Variants in SEC14L6 observed in about 807,000 individuals in gnomAD.
SEC14L6 encodes SEC14-like protein 6.
In SEC14L6, 40 loss-of-function variants were observed where a neutral mutation model predicts 54.1. The ratio of observed to expected loss-of-function variants is 0.74; its 90% CI spans 0.57 to 0.96. The LOEUF (loss-of-function observed/expected upper bound fraction) is 0.96, where lower values mean the gene tolerates loss of function less well. SEC14L6 is among the 40% of genes least tolerant of loss of function. The pLI is 0.00. For missense variants in SEC14L6, 471 were observed against 498.3 expected, an observed-to-expected ratio of 0.95 and a Z score of 0.52; for synonymous variants, 171 against 198.4, an observed-to-expected ratio of 0.86 and a Z score of 1.16.
intron 8 of SEC14L6, 33 bp downstream of exon 8, chr22:30,529,054 G>A (rs779242818): frequency 2.1e-5 from 31 of 1,511,334 alleles, no homozygotes; most frequent in Non-Finnish European, 2.6e-5. Flanking sequence ...TCAGGATCCA[G>A]GCTGGAAAAG....
chr22:30,542,595 C>T (rs1028765218), intron 1 of SEC14L6: 148 of 1,501,308 alleles, frequency 9.9e-5, no homozygotes, highest in Non-Finnish European at 9.7e-5. Flanking sequence ...GGCCGGTCCC[C>T]GGCCGCCTCG....
At chr22:30,532,485 C>T (rs1480481697) in intron 5 of SEC14L6, 40 bp downstream of exon 5, 3 of 1,510,542 alleles carry the variant, frequency 2.0e-6, no homozygotes, top group Middle Eastern at 1.7e-4. Flanking sequence ...GGTGAGGGTG[C>T]TGTGTCCGGC....
chr22:30,533,307 T>C (rs1937044431), intron 3 of SEC14L6: 1 of 229,524 alleles, frequency 4.4e-6, no homozygotes, highest in African/African-American at 2.3e-5. Flanking sequence ...GCTCCTAGAA[T>C]ATACCAGCTC....
intron 1 of SEC14L6, chr22:30,542,657 C>T (rs1281570745): frequency 6.6e-7 from 1 of 1,520,784 alleles, no homozygotes; most frequent in Non-Finnish European, 8.9e-7. Flanking sequence ...TCAGGAGTGG[C>T]GGGTGAGGAG....
At chr22:30,543,866 A>C (rs1191240012) in intron 1 of SEC14L6, 1 of 1,545,874 alleles carries the variant, frequency 6.5e-7, no homozygotes, top group Non-Finnish European at 8.9e-7. Flanking sequence ...GCGGACCTGA[A>C]CCTGCCCAAG....
intron 1 of SEC14L6, among the ~76,000 whole-genome samples, chr22:30,540,367 C>CTCTTTTTTTTTTT (rs1568974219): frequency 1.8e-5 from 2 of 114,062 alleles, no homozygotes; most frequent in Non-Finnish European, 1.8e-5. Flanking sequence ...CTTTTTGTTC[C>CTCTTTTTTTTTTT]TTTTTTTTTT....
chr22:30,532,364 G>A, intron 5 of SEC14L6, 161 bp downstream of exon 5: 1 of 911,824 alleles, frequency 1.1e-6, no homozygotes, highest in Non-Finnish European at 1.3e-6. Context: ...CATACTGTGT[G>A]GCCTTGGGTG....
In SEC14L6 at chr22:30,529,310, T is replaced by TCAAGATCTCAGGGTAATTTGCTTCAAG; in HGVS notation, c.532_558dup (p.Leu178_Leu186dup). 1 of 1,550,498 alleles carries TCAAGATCTCAGGGTAATTTGCTTCAAG rather than the reference T, an allele frequency of 6.4e-7. No individual in the cohort carries two copies. Among genetic ancestry groups the TCAAGATCTCAGGGTAATTTGCTTCAAG allele is most frequent in the Non-Finnish European group, 8.7e-7 (1 of 1,146,948 alleles). On this transcript the variant is annotated inframe_insertion, in exon 7 of 12. Coordinates refer to ENST00000402034, the MANE Select transcript of SEC14L6 (RefSeq NM_001193336.4). ...TCACCTCTCACAACAATTAAACTCT[T>TCAAGATCTCAGGGTAATTTGCTTCAAG]CAAGATCTCAGGGTAATTTGCTTCA...
At chr22:30,529,970 T>C (rs1442437803) in intron 6 of SEC14L6, among the ~76,000 whole-genome samples, 1 of 152,226 alleles carries the variant, frequency 6.6e-6, no homozygotes, top group Non-Finnish European at 1.5e-5. Flanking sequence ...CCAATTAAAA[T>C]TCTTGGTTAG....
In SEC14L6 at chr22:30,529,186, G is replaced by A; in HGVS notation, c.581-16C>T. ...AGCTTGGGGGCTGAAACCAGGCACA[G>A]AACTGCTCCCTCAGGCGGCTGGCTG... is the stretch of plus-strand genomic sequence containing the variant. On this transcript the variant is annotated splice_polypyrimidine_tract_variant and intron_variant, in intron 7 of 11. Coordinates refer to ENST00000402034, the MANE Select transcript of SEC14L6 (RefSeq NM_001193336.4). The A allele has an allele frequency of 6.4e-7, 1 of 1,550,672 alleles. No individual in the cohort carries two copies. Among genetic ancestry groups the A allele is most frequent in the Non-Finnish European group, 8.7e-7 (1 of 1,146,894 alleles).
chr22:30,540,352 CCCT>C (rs2085676966), intron 1 of SEC14L6, among the ~76,000 whole-genome samples: 3 of 150,556 alleles, frequency 2.0e-5, no homozygotes, highest in Admixed American at 2.0e-4. Flanking sequence ...AGAACACTGC[CCCT>C]CCTTTTTGTT....
chr22:30,530,271 G>A (rs1037837824), intron 6 of SEC14L6, among the ~76,000 whole-genome samples: 5 of 152,096 alleles, frequency 3.3e-5, no homozygotes, highest in Admixed American at 2.0e-4. Flanking sequence ...TTAGTTGGGC[G>A]TGGTGGCGGG....
rs5753191 is a variant in SEC14L6, at chr22:30,538,900, G to A, written c.57C>T (p.Phe19=). The A allele has an allele frequency of 0.5, 770,641 of 1,547,682 alleles. 194,383 individuals are homozygous for A. Among genetic ancestry groups the A allele is most frequent in the African/African-American group, 0.66 (47,903 of 72,982 alleles). The change falls in exon 2 of 12, where the codon TTC becomes TTT. Residue 19 remains phenylalanine (F), a splice_region_variant and synonymous_variant. Transcript: ENST00000402034. Reference sequence around the variant, plus strand: ...ATAGCACATCTTGGATGTTCTCCCGGAACTGAGGACAGACAGGGAGAGACC... The same window carrying A: ...ATAGCACATCTTGGATGTTCTCCCGAAACTGAGGACAGACAGGGAGAGACC... ...SPSQEKSLAQ[F]RENIQDVLSA...
At chr22:30,533,158 A>C (rs1246288035) in intron 3 of SEC14L6, 1 of 985,128 alleles carries the variant, frequency 1.0e-6, no homozygotes, top group Non-Finnish European at 1.2e-6. Flanking sequence ...CCTGGGAGTC[A>C]GACTCTACTT....
At chr22:30,541,698 G>A (rs1167717680) in intron 1 of SEC14L6, among the ~76,000 whole-genome samples, 2 of 151,908 alleles carry the variant, frequency 1.3e-5, no homozygotes, top group Non-Finnish European at 2.9e-5. Context: ...GCTGGGTGTG[G>A]TGTGCGTGCC....
chr22:30,526,451 T>C (rs1020183011), intron 8 of SEC14L6, among the ~76,000 whole-genome samples: 8 of 152,176 alleles, frequency 5.3e-5, no homozygotes, highest in South Asian at 2.1e-4. Context: ...GACACGGGCA[T>C]TGCAGGAACA....
intron 1 of SEC14L6, among the ~76,000 whole-genome samples, chr22:30,540,590 C>A (rs1308507268): frequency 6.6e-6 from 1 of 151,852 alleles, no homozygotes; most frequent in Non-Finnish European, 1.5e-5. Context: ...GTGGCGCACG[C>A]CTGTAGTCCC....
At chr22:30,538,113 G>A (rs1395919527) in intron 2 of SEC14L6, among the ~76,000 whole-genome samples, 1 of 152,170 alleles carries the variant, frequency 6.6e-6, no homozygotes, top group Non-Finnish European at 1.5e-5. Flanking sequence ...GCCAAGACAG[G>A]TGGATCATCT....
At chr22:30,543,037 G>C (rs1170087642) in intron 1 of SEC14L6, 1 of 1,599,208 alleles carries the variant, frequency 6.3e-7, no homozygotes, top group Non-Finnish European at 8.6e-7. Flanking sequence ...ATCGGGCCCC[G>C]CAGCGAGGGC....
Sources: allele counts gnomAD v4.1 joint callset (sites outside exome capture counted in the v4.1 genomes callset), GRCh38; gene constraint gnomAD v4.1.1; transcripts MANE v1.5; gene names NCBI Gene and HGNC (gene_info 2026-07-23, HGNC 2026-07-21).